Variants in FOXP1 observed in about 807,000 individuals in gnomAD.
FOXP1 encodes forkhead box protein P1.
FOXP1 carries 15 observed loss-of-function variants against 98.2 expected under a neutral mutation model. That is an observed-to-expected ratio of 0.15 (90% CI 0.10 to 0.24). The LOEUF is 0.24. Ranked by LOEUF, FOXP1 falls within the 10% of genes least tolerant of loss-of-function variation. The pLI, the probability that FOXP1 is intolerant of heterozygous loss-of-function variation, is 1.00. For missense variants in FOXP1, 633 were observed against 848.5 expected, an observed-to-expected ratio of 0.75 and a Z score of 3.15; for synonymous variants, 371 against 314.5, an observed-to-expected ratio of 1.18 and a Z score of -1.90.
intron 2 of FOXP1, among the ~76,000 whole-genome samples, chr3:71,565,402 G>C (rs1208667433): frequency 6.6e-6 from 1 of 152,162 alleles, no homozygotes; most frequent in Non-Finnish European, 1.5e-5. Context: ...AAACTCGTTG[G>C]GTAAGAGAGA....
intron 6 of FOXP1, among the ~76,000 whole-genome samples, chr3:71,168,312 C>A (rs1314027098): frequency 6.8e-5 from 10 of 146,770 alleles, no homozygotes; most frequent in South Asian, 4.4e-4. Context: ...AAAAAAAAAA[C>A]AAAACAAAGT....
At chr3:71,351,980 T>C (rs1036588973) in intron 4 of FOXP1, among the ~76,000 whole-genome samples, 2 of 152,188 alleles carry the variant, frequency 1.3e-5, no homozygotes, top group African/African-American at 4.8e-5. Flanking sequence ...CCCATAGCTC[T>C]TGTGTTAGCA....
chr3:71,558,653 C>T (rs2046317755), intron 2 of FOXP1, among the ~76,000 whole-genome samples: 1 of 151,794 alleles, frequency 6.6e-6, no homozygotes, highest in South Asian at 2.1e-4. Flanking sequence ...GGCCACCACG[C>T]CCAGCTAATT....
At chr3:71,188,772 T>C (rs2062801754) in intron 6 of FOXP1, among the ~76,000 whole-genome samples, 1 of 152,192 alleles carries the variant, frequency 6.6e-6, no homozygotes, top group African/African-American at 2.4e-5. Flanking sequence ...GGATAATAAA[T>C]TCTGAAATTA....
At chr3:71,037,665 T>C (rs571040698) in intron 11 of FOXP1, among the ~76,000 whole-genome samples, 2 of 152,312 alleles carry the variant, frequency 1.3e-5, no homozygotes, top group South Asian at 4.1e-4. Context: ...TGAATTTATA[T>C]ACAATCAGCA....
At chr3:71,225,377 G>A (rs947183180) in intron 5 of FOXP1, among the ~76,000 whole-genome samples, 2 of 152,168 alleles carry the variant, frequency 1.3e-5, no homozygotes, top group African/African-American at 2.4e-5. Context: ...GAGCTGATAA[G>A]AGAATTAATA....
At chr3:71,275,259 G>A (rs2070768701) in intron 5 of FOXP1, among the ~76,000 whole-genome samples, 1 of 152,084 alleles carries the variant, frequency 6.6e-6, no homozygotes, top group Admixed American at 6.5e-5. Context: ...ATGTCCCTGG[G>A]TGTCCCTCAT....
At chr3:71,466,292 C>G (rs557367210) in intron 3 of FOXP1, among the ~76,000 whole-genome samples, 51 of 152,314 alleles carry the variant, frequency 3.3e-4, no homozygotes, top group African/African-American at 1.2e-3. Flanking sequence ...AAAATCTGAA[C>G]AGGCGAGCTG....
intron 2 of FOXP1, among the ~76,000 whole-genome samples, chr3:71,513,879 C>T (rs947117079): frequency 6.6e-5 from 10 of 152,318 alleles, no homozygotes; most frequent in Non-Finnish European, 8.8e-5. Context: ...TACCTATCAC[C>T]GTCACTCGCT....
At chr3:71,033,919 T>C (rs2047224191) in intron 11 of FOXP1, among the ~76,000 whole-genome samples, 2 of 152,156 alleles carry the variant, frequency 1.3e-5, no homozygotes, top group South Asian at 4.2e-4. Context: ...GCTTTTGCCC[T>C]AAGTAGGTTA....
chr3:71,492,938 C>T (rs368300838), intron 3 of FOXP1, among the ~76,000 whole-genome samples: 1 of 152,204 alleles, frequency 6.6e-6, no homozygotes, highest in Non-Finnish European at 1.5e-5. Flanking sequence ...TTCCAGAAGT[C>T]TTTCAAAAAA....
At chr3:71,371,947 T>G (rs540166399) in intron 3 of FOXP1, among the ~76,000 whole-genome samples, 6 of 152,150 alleles carry the variant, frequency 3.9e-5, no homozygotes, top group Non-Finnish European at 7.4e-5. Flanking sequence ...GCCCTCTTCA[T>G]TCTCTGCAGG....
intron 14 of FOXP1, among the ~76,000 whole-genome samples, chr3:70,982,300 G>A (rs1360848625): frequency 1.3e-5 from 2 of 152,198 alleles, no homozygotes; most frequent in African/African-American, 4.8e-5. Context: ...AATTAGAAAT[G>A]AAAGCATATG....
chr3:71,053,569 C>A (rs897402845), intron 8 of FOXP1, 67 bp downstream of exon 8: 15 of 1,598,240 alleles, frequency 9.4e-6, no homozygotes, highest in African/African-American at 4.0e-5. Flanking sequence ...GGGGAGATTG[C>A]GAATGGAGTG....
chr3:71,055,517 T>C (rs1037688366), intron 7 of FOXP1, among the ~76,000 whole-genome samples: 3 of 152,210 alleles, frequency 2.0e-5, no homozygotes, highest in African/African-American at 7.2e-5. Context: ...AATTACCCTT[T>C]TAAAAAGATA....
At chr3:71,087,360 C>T (rs757806764) in intron 7 of FOXP1, among the ~76,000 whole-genome samples, 2 of 152,154 alleles carry the variant, frequency 1.3e-5, no homozygotes, top group African/African-American at 2.4e-5. Context: ...GATCAAACAA[C>T]GACAACAAAA....
At chr3:71,199,569 G>A (rs1220036394) in intron 5 of FOXP1, among the ~76,000 whole-genome samples, 1 of 150,110 alleles carries the variant, frequency 6.7e-6, no homozygotes, top group Non-Finnish European at 1.5e-5. Context: ...TCTACTAACA[G>A]TAGAAAAAAA....
At chr3:71,041,617 A>G (rs1036798068) in intron 10 of FOXP1, 85 bp from the exon 11 acceptor site, 44 of 1,363,664 alleles carry the variant, frequency 3.2e-5, no homozygotes, top group Non-Finnish European at 4.3e-5. Context: ...GAGTCAGTAA[A>G]CAAAGCCTAG....
At chr3:71,299,717 T>C (rs2073684232) in intron 5 of FOXP1, 103 bp downstream of exon 5, 1 of 152,592 alleles carries the variant, frequency 6.6e-6, no homozygotes, top group South Asian at 2.1e-4. Flanking sequence ...AATAAATACA[T>C]GTTTATTTGA....
Sources: allele counts gnomAD v4.1 joint callset (sites outside exome capture counted in the v4.1 genomes callset), GRCh38; gene constraint gnomAD v4.1.1; transcripts MANE v1.5; gene names NCBI Gene and HGNC (gene_info 2026-07-23, HGNC 2026-07-21).